The following PPP6R2 variants were observed in gnomAD, a reference collection of about 807,000 sequenced individuals.
PPP6R2 encodes the protein serine/threonine-protein phosphatase 6 regulatory subunit 2.
Under a neutral mutation model 100.2 loss-of-function variants are expected in PPP6R2, and 62 were observed. The ratio of observed to expected loss-of-function variants is 0.62; its 90% CI spans 0.50 to 0.76. The LOEUF is 0.76. Among genes scored for constraint, PPP6R2 ranks in the 30% least tolerant of loss-of-function variants. PPP6R2 has a pLI of 0.00. For synonymous variants in PPP6R2, 525 were observed against 514.7 expected (o/e 1.02, Z -0.27); for missense variants, 1,142 against 1,276.3 (o/e 0.89, Z 1.60).
intron 1 of PPP6R2, among the ~76,000 whole-genome samples, chr22:50,350,912 A>G (rs1385854031): frequency 6.6e-6 from 1 of 151,726 alleles, no homozygotes; most frequent in East Asian, 1.9e-4. Context: ...AGGCATGACA[A>G]CATTAGTCTC....
chr22:50,438,019 G>A, intron 17 of PPP6R2, 119 bp downstream of exon 17: 1 of 1,498,604 alleles, frequency 6.7e-7, no homozygotes, highest in Non-Finnish European at 9.1e-7. Context: ...CCTCTGTGGA[G>A]CTCGGAACAG....
intron 10 of PPP6R2, among the ~76,000 whole-genome samples, chr22:50,424,298 T>C (rs1352083723): frequency 6.6e-6 from 1 of 151,086 alleles, no homozygotes; most frequent in African/African-American, 2.4e-5. Flanking sequence ...AGAACTGGGC[T>C]CGAAGTGCTG....
chr22:50,359,024 G>A (rs545568469), intron 1 of PPP6R2, among the ~76,000 whole-genome samples: 9 of 112,788 alleles, frequency 8.0e-5, no homozygotes, highest in African/African-American at 2.8e-4. Flanking sequence ...TTTTTGAGAC[G>A]GAGTCTCACC....
At chr22:50,404,078 C>T (rs2058457206) in intron 3 of PPP6R2, among the ~76,000 whole-genome samples, 1 of 150,282 alleles carries the variant, frequency 6.7e-6, no homozygotes, top group East Asian at 2.0e-4. Flanking sequence ...GCACTGTCAC[C>T]TGCACATTCT....
intron 3 of PPP6R2, among the ~76,000 whole-genome samples, chr22:50,396,006 C>A (rs1193564773): frequency 6.7e-6 from 1 of 150,076 alleles, no homozygotes; most frequent in African/African-American, 2.5e-5. Flanking sequence ...ACCAGCCTGG[C>A]CAACATGGTG....
chr22:50,360,783 T>C (rs1211143562), intron 1 of PPP6R2, among the ~76,000 whole-genome samples: 1 of 152,216 alleles, frequency 6.6e-6, no homozygotes, highest in African/African-American at 2.4e-5. Flanking sequence ...AGCTGACCTG[T>C]GCTTCTGCCC....
At chr22:50,436,895 C>A in intron 14 of PPP6R2, 93 bp from the exon 15 acceptor site, 1 of 1,019,246 alleles carries the variant, frequency 9.8e-7, no homozygotes, top group Non-Finnish European at 1.5e-6. Flanking sequence ...GGTCTGGGAG[C>A]CCTGGGCTGG....
At chr22:50,368,668 TGCC>T (rs560835981) in intron 1 of PPP6R2, among the ~76,000 whole-genome samples, 87 of 152,236 alleles carry the variant, frequency 5.7e-4, no homozygotes, top group Middle Eastern at 6.8e-3. Context: ...CTGGGTAGCT[TGCC>T]GCCCACAATA....
At chr22:50,421,999 T>TGTGTCACTTGCCCTGCCTC (rs1200810870) in intron 8 of PPP6R2, among the ~76,000 whole-genome samples, 1 of 151,856 alleles carries the variant, frequency 6.6e-6, no homozygotes, top group African/African-American at 2.4e-5. Flanking sequence ...AGTCCTGTGT[T>TGTGTCACTTGCCCTGCCTC]GTGTCACTTG....
intron 1 of PPP6R2, among the ~76,000 whole-genome samples, chr22:50,366,978 A>G (rs151156961): frequency 1.0e-4 from 15 of 144,800 alleles, no homozygotes; most frequent in African/African-American, 3.5e-4. Context: ...TTGCTTCCCT[A>G]TGTTTTCTTT....
Position 50,438,724 on chromosome 22 carries a change from G to C in PPP6R2, c.2090G>C (p.Gly697Ala). 1 of 1,610,702 alleles carries C rather than the reference G, an allele frequency of 6.2e-7. No individual in the cohort carries two copies. The highest frequency in any genetic ancestry group is 8.5e-7 in the Non-Finnish European group (1 of 1,178,600). The change falls in exon 19 of 24, where the codon GGG (glycine) becomes GCG (alanine). Residue 697 changes from glycine to alanine, a missense_variant. Transcript: ENST00000612753. The part of the protein sequence containing the change: ...APGAGAPPAP[G>A]KKEAPPVEGD... Reference sequence around the variant, plus strand: ...GGGGCAGGTGCCCCACCGGCCCCCGGGAAGAAGGAAGCGCCCCCTGTGGAG... The same window carrying C: ...GGGGCAGGTGCCCCACCGGCCCCCGCGAAGAAGGAAGCGCCCCCTGTGGAG...
intron 2 of PPP6R2, among the ~76,000 whole-genome samples, chr22:50,389,858 G>A (rs2055070637): frequency 6.6e-6 from 1 of 151,790 alleles, no homozygotes; most frequent in African/African-American, 2.4e-5. Context: ...CAAAATGCTG[G>A]GATTACAGGC....
At chr22:50,352,757 C>A (rs1310618904) in intron 1 of PPP6R2, among the ~76,000 whole-genome samples, 1 of 150,616 alleles carries the variant, frequency 6.6e-6, no homozygotes, top group African/African-American at 2.4e-5. Context: ...AAAAAACACA[C>A]AAAACAACAA....
intron 2 of PPP6R2, among the ~76,000 whole-genome samples, chr22:50,391,024 C>T (rs2055404585): frequency 6.7e-6 from 1 of 149,224 alleles, no homozygotes; most frequent in Admixed American, 6.7e-5. Flanking sequence ...AAAAGAAATT[C>T]AGGCCGGATG....
At position 50,431,446 on chromosome 22, in the gene PPP6R2, C is replaced by G; in HGVS notation, c.1335+64C>G. The G allele has an allele frequency of 6.9e-7, 1 of 1,452,164 alleles. No homozygotes were observed. The highest frequency in any genetic ancestry group is 1.2e-5 in the South Asian group (1 of 84,232). The allele number at this position is 1,452,164 out of a possible 1,614,324, so 90.0% of individuals were successfully genotyped here. On this transcript the variant is annotated intron_variant, in intron 11 of 23. Transcript: ENST00000612753. The surrounding 1 kb of genome is among the most constrained non-coding windows in gnomAD (Gnocchi z 4.8). ...CGCCCCACTCAGACCGTGTCCATGT[C>G]AGCGCTGACGTGTGCCGGACCTCAC...
At chr22:50,398,308 A>G (rs1023030864) in intron 3 of PPP6R2, among the ~76,000 whole-genome samples, 1 of 150,704 alleles carries the variant, frequency 6.6e-6, no homozygotes, top group Non-Finnish European at 1.5e-5. Flanking sequence ...AGTTGCTGGG[A>G]TTACAGACAT....
intron 2 of PPP6R2, among the ~76,000 whole-genome samples, chr22:50,376,154 C>G (rs757131497): frequency 1.3e-5 from 2 of 151,928 alleles, no homozygotes; most frequent in Non-Finnish European, 2.9e-5. Context: ...ATAAGCCACT[C>G]TGAGTTAAAA....
At chr22:50,383,032 T>C (rs1332142494) in intron 2 of PPP6R2, among the ~76,000 whole-genome samples, 1 of 152,030 alleles carries the variant, frequency 6.6e-6, no homozygotes, top group Non-Finnish European at 1.5e-5. Flanking sequence ...GAAATGGGGT[T>C]TTACCATATT....
At position 50,393,991 on chromosome 22, in the gene PPP6R2, T is replaced by C. The variant is rs2056195183; in HGVS notation, c.83T>C (p.Met28Thr). The C allele has an allele frequency of 6.2e-7, 1 of 1,614,066 alleles. No individual in the cohort carries two copies. The highest frequency in any genetic ancestry group is 8.5e-7 in the Non-Finnish European group (1 of 1,180,048). The part of the protein sequence containing the change: ...DKEHVTLQEL[M>T]DEDDILQECK... ...GAGCATGTGACGCTGCAGGAGTTAA[T>C]GGATGAAGATGACATCTTGCAGGAG... is the stretch of plus-strand genomic sequence containing the variant. Residue 28 changes from methionine to threonine, a missense_variant, in exon 3 of 24, where the codon ATG (methionine) becomes ACG (threonine). Met to Thr is a moderately conservative substitution (Grantham distance 81). Transcript: ENST00000612753.
Sources: gnomAD v4.1 joint callset for allele counts (sites outside exome capture counted in the v4.1 genomes callset) on GRCh38, gnomAD v4.1.1 for gene constraint, Gnocchi (gnomAD v3.1) non-coding constraint, MANE v1.5 for transcripts, NCBI Gene and HGNC (gene_info 2026-07-23, HGNC 2026-07-21) for gene names.